Variants in M1AP observed in about 807,000 individuals in gnomAD.
M1AP encodes meiosis 1 associated protein, also known as meiosis 1 arrest protein.
M1AP carries 39 observed loss-of-function variants against 51.2 expected under a neutral mutation model. The ratio of observed to expected loss-of-function variants is 0.76; its 90% CI spans 0.59 to 1.00. The LOEUF (loss-of-function observed/expected upper bound fraction) is 1.00. Among genes scored for constraint, M1AP ranks in the 50% least tolerant of loss-of-function variants. M1AP has a pLI of 0.00. For synonymous variants in M1AP, 251 were observed against 249.2 expected (o/e 1.01, Z -0.07); for missense variants, 545 against 641.2 (o/e 0.85, Z 1.62).
intron 1 of M1AP, 50 bp downstream of exon 1, chr2:74,648,215 G>A: frequency 1.0e-6 from 1 of 964,762 alleles, no homozygotes; most frequent in Non-Finnish European, 1.2e-6. Flanking sequence ...GCGAAGTGGT[G>A]CCGGCTGCTC....
intron 4 of M1AP, among the ~76,000 whole-genome samples, chr2:74,601,267 A>C (rs1265903219): frequency 6.6e-6 from 1 of 152,150 alleles, no homozygotes; most frequent in Non-Finnish European, 1.5e-5. Context: ...AGCTATGAAA[A>C]GGGAGGTGTT....
At chr2:74,563,468 G>A (rs368988221) in intron 7 of M1AP, among the ~76,000 whole-genome samples, 3 of 152,002 alleles carry the variant, frequency 2.0e-5, no homozygotes, top group Non-Finnish European at 4.4e-5. Context: ...ACGTGGTGGC[G>A]CATGCCTGTA....
chr2:74,565,822 C>T (rs1260952103), intron 7 of M1AP, among the ~76,000 whole-genome samples: 4 of 117,510 alleles, frequency 3.4e-5, no homozygotes, highest in Non-Finnish European at 7.0e-5. Flanking sequence ...GAGTGAGATG[C>T]CGTCACACAC....
intron 2 of M1AP, among the ~76,000 whole-genome samples, chr2:74,639,390 T>C (rs1573194300): frequency 6.6e-6 from 1 of 152,232 alleles, no homozygotes; most frequent in South Asian, 2.1e-4. Flanking sequence ...TGGAAGTCTT[T>C]CTCTTCACTA....
intron 9 of M1AP, 129 bp downstream of exon 9, chr2:74,560,022 G>T: frequency 1.9e-6 from 2 of 1,030,362 alleles, no homozygotes; most frequent in Non-Finnish European, 2.8e-6. Context: ...ACCAGGGGTG[G>T]ATCCTGGAGG....
chr2:74,621,508 G>T (rs1412198210), intron 2 of M1AP, among the ~76,000 whole-genome samples: 1 of 152,008 alleles, frequency 6.6e-6, no homozygotes, highest in African/African-American at 2.4e-5. Flanking sequence ...AATATTGGCC[G>T]GGCGCGGTGG....
intron 2 of M1AP, among the ~76,000 whole-genome samples, chr2:74,634,651 C>A (rs2104818856): frequency 6.6e-6 from 1 of 152,284 alleles, no homozygotes; most frequent in Non-Finnish European, 1.5e-5. Flanking sequence ...AGGGGGAAAG[C>A]ATTCAGTCTT....
At position 74,612,127 on chromosome 2, in the gene M1AP, G is replaced by A. The variant is rs377663614; in HGVS notation, c.426+2837C>T. 3.1e-4 allele frequency among the ~76,000 whole-genome samples: 47 copies of A among 151,752 alleles called. No individual in the cohort carries two copies. The East Asian group carries it at 5.9e-3, about 19-fold the overall frequency. The stretch of plus-strand genomic sequence containing the variant: ...AGGATGGTCTCGATCGCCTGACCTC[G>A]TGATCTACCCGCCTGGGCCTCCCAA... On this transcript the variant is annotated intron_variant, in intron 3 of 10. Coordinates refer to ENST00000421985, the MANE Select transcript of M1AP (RefSeq NM_001321739.2).
intron 4 of M1AP, among the ~76,000 whole-genome samples, chr2:74,600,316 C>T (rs753730929): frequency 2.0e-5 from 3 of 152,048 alleles, no homozygotes; most frequent in African/African-American, 7.3e-5. Flanking sequence ...AAAATGTTGC[C>T]GTAATTATGA....
At position 74,638,158 on chromosome 2, in the gene M1AP, G is replaced by T. The variant is rs139280964; in HGVS notation, c.240+1878C>A. ...CAACCTCCGCCTCCAGGGTTCAAGC[G>T]ATTCTCCCGCCTCAGCCTCCCGAGT... On this transcript the variant is annotated intron_variant, in intron 2 of 10. Transcript: ENST00000421985. Among the ~76,000 whole-genome samples the T allele has an allele frequency of 7.0e-3, 1,067 of 151,946 alleles. 17 individuals are homozygous for T. The highest frequency in any genetic ancestry group is 0.025 in the African/African-American group (1,016 of 41,438).
In M1AP at chr2:74,578,951, G is replaced by C. The variant is rs181770147; in HGVS notation, c.770-2333C>G. Among the ~76,000 whole-genome samples, 461 of 152,174 alleles carry C rather than the reference G, an allele frequency of 3.0e-3. 4 individuals carry two copies. The highest frequency in any genetic ancestry group is 6.7e-3 in the South Asian group (32 of 4,812). On this transcript the variant is annotated intron_variant, in intron 5 of 10. Transcript: ENST00000421985. ...ATAATGCCAGCATAATCTTTATTGT[G>C]TTTAAAATCTCAGGTGGGTCACATC...
intron 1 of M1AP, among the ~76,000 whole-genome samples, chr2:74,641,426 G>A (rs1424278834): frequency 6.6e-6 from 1 of 152,156 alleles, no homozygotes; most frequent in Non-Finnish European, 1.5e-5. Flanking sequence ...GGTTATAGGA[G>A]GACATAATGA....
intron 1 of M1AP, chr2:74,647,476 TA>T: frequency 8.5e-6 from 7 of 820,464 alleles, no homozygotes; most frequent in South Asian, 5.6e-5. Context: ...CTTCCTCCAT[TA>T]AAAAAAGATT....
At chr2:74,559,038 A>G (rs906636381) in intron 10 of M1AP, among the ~76,000 whole-genome samples, 164 bp from the exon 11 acceptor site, 1 of 152,180 alleles carries the variant, frequency 6.6e-6, no homozygotes. Flanking sequence ...CCCAGCCTCC[A>G]CAGTGCCTGT....
chr2:74,628,534 G>A (rs1431345300), intron 2 of M1AP: 1 of 501,480 alleles, frequency 2.0e-6, no homozygotes, highest in African/African-American at 2.0e-5. Flanking sequence ...ATCACCCAAA[G>A]CACTGCACAG....
At chr2:74,576,690 A>ATTGT in intron 5 of M1AP, 72 bp from the exon 6 acceptor site, 1 of 1,526,548 alleles carries the variant, frequency 6.6e-7, no homozygotes, top group South Asian at 1.2e-5. Context: ...AAGTTACCTT[A>ATTGT]GGCTATGCCA....
chr2:74,642,273 T>C (rs771990536), intron 1 of M1AP, among the ~76,000 whole-genome samples: 1 of 145,008 alleles, frequency 6.9e-6, no homozygotes, highest in Non-Finnish European at 1.5e-5. Context: ...ACTAATAATA[T>C]ACAAAAAAAA....
chr2:74,645,223 C>T lies in M1AP; in HGVS notation c.-53+3042G>A, dbSNP rs182067672. Among the ~76,000 whole-genome samples, 346 of 152,152 alleles carry T rather than the reference C, an allele frequency of 2.3e-3. 1 individual carries two copies. The highest frequency in any genetic ancestry group is 8.1e-3 in the African/African-American group (335 of 41,514). ...TCTGCAGCTTCACTCCTGAAGCCAG[C>T]GAGACCATGAATCCACCAGAAGGAA... On this transcript the variant is annotated intron_variant, in intron 1 of 10. Transcript: ENST00000421985.
intron 3 of M1AP, among the ~76,000 whole-genome samples, chr2:74,612,506 ATTTCT>A (rs546837535): frequency 2.0e-5 from 3 of 151,874 alleles, no homozygotes; most frequent in African/African-American, 7.2e-5. Context: ...TTAAGTCTCT[ATTTCT>A]TTTATTTTTA....
Sources: gnomAD v4.1 joint callset for allele counts (sites outside exome capture counted in the v4.1 genomes callset) on GRCh38, gnomAD v4.1.1 for gene constraint, MANE v1.5 for transcripts, NCBI Gene and HGNC (gene_info 2026-07-23, HGNC 2026-07-21) for gene names.